Variants in EYA1 observed in about 807,000 individuals in gnomAD.
EYA1 encodes the protein EYA transcriptional coactivator and phosphatase 1.
Under a neutral mutation model 82.0 loss-of-function variants are expected in EYA1, and 16 were observed. That is an observed-to-expected ratio of 0.20 (90% CI 0.13 to 0.30). The LOEUF is 0.30. EYA1 is among the 10% of genes least tolerant of loss of function. The probability of loss-of-function intolerance (pLI) is 1.00; values close to 1 mark genes in which losing one functional copy is unlikely to be tolerated. For missense variants in EYA1, 633 were observed against 730.7 expected (o/e 0.87, Z 1.54); for synonymous variants, 261 against 264.4 (o/e 0.99, Z 0.12).
At chr8:71,523,028 A>C (rs1167145836) in intron 2 of EYA1, among the ~76,000 whole-genome samples, 2 of 152,304 alleles carry the variant, frequency 1.3e-5, no homozygotes, top group East Asian at 3.9e-4. Flanking sequence ...TAGGATTATA[A>C]AATTGTTTTT....
chr8:71,359,532 A>C (rs879824130), intron 1 of EYA1, among the ~76,000 whole-genome samples: 3 of 152,190 alleles, frequency 2.0e-5, no homozygotes, highest in Non-Finnish European at 4.4e-5. Flanking sequence ...GCTAAATTAC[A>C]AATCAAAAGC....
At chr8:71,208,148 A>G (rs929177180) in intron 17 of EYA1, among the ~76,000 whole-genome samples, 2 of 152,078 alleles carry the variant, frequency 1.3e-5, no homozygotes, top group Non-Finnish European at 2.9e-5. Flanking sequence ...ATTAACTAAA[A>G]CTGGCCGGGC....
At chr8:71,513,629 T>C (rs1169403587) in intron 2 of EYA1, among the ~76,000 whole-genome samples, 2 of 152,086 alleles carry the variant, frequency 1.3e-5, no homozygotes, top group African/African-American at 4.8e-5. Context: ...CTTTTAGTTA[T>C]TTTAAAATAT....
chr8:71,276,865 A>G (rs561896474), intron 9 of EYA1, among the ~76,000 whole-genome samples: 8 of 152,280 alleles, frequency 5.3e-5, no homozygotes, highest in African/African-American at 1.9e-4. Context: ...TAGCCTTTAC[A>G]TGACTCAGTT....
intron 11 of EYA1, among the ~76,000 whole-genome samples, chr8:71,248,552 A>G (rs1211321778): frequency 1.3e-5 from 2 of 152,186 alleles, no homozygotes; most frequent in Non-Finnish European, 2.9e-5. Context: ...GACTTTAGAA[A>G]CAGAGCACGG....
At chr8:71,211,372 T>TAC in intron 16 of EYA1, 116 bp from the exon 17 acceptor site, 1 of 716,258 alleles carries the variant, frequency 1.4e-6, no homozygotes, top group South Asian at 1.5e-5. Flanking sequence ...GCCCCACTAG[T>TAC]ACCTCTAAGA....
intron 12 of EYA1, among the ~76,000 whole-genome samples, chr8:71,218,577 G>C (rs1274035810): frequency 6.6e-6 from 1 of 151,968 alleles, no homozygotes; most frequent in Non-Finnish European, 1.5e-5. Context: ...CCTCAGATAA[G>C]AGAAAAGGAA....
chr8:71,333,456 T>C (rs997795060), intron 4 of EYA1, among the ~76,000 whole-genome samples: 3 of 152,206 alleles, frequency 2.0e-5, no homozygotes, highest in East Asian at 3.8e-4. Context: ...AATTTTTAAA[T>C]GAAATATTCC....
At chr8:71,431,926 G>A (rs1164819506) in intron 2 of EYA1, among the ~76,000 whole-genome samples, 2 of 152,074 alleles carry the variant, frequency 1.3e-5, no homozygotes, top group African/African-American at 4.8e-5. Flanking sequence ...CCTTCCATTT[G>A]GATAGCCTGA....
At chr8:71,321,091 GGATTT>G (rs1029095927) in intron 6 of EYA1, among the ~76,000 whole-genome samples, 1 of 151,964 alleles carries the variant, frequency 6.6e-6, no homozygotes, top group African/African-American at 2.4e-5. Flanking sequence ...GGATTTTGTT[GGATTT>G]ATTTTTAATT....
In EYA1 at chr8:71,198,518, C is replaced by T. The variant is rs1806527623; in HGVS notation, c.*822G>A. ...GGCACATGAATTTGTGCACGTGCTGCCTCATGCTTCACTATCCAGGCATTG... is the reference window on the plus strand; with the variant it reads ...GGCACATGAATTTGTGCACGTGCTGTCTCATGCTTCACTATCCAGGCATTG... On this transcript the variant is annotated 3_prime_UTR_variant, in exon 18 of 18. Coordinates refer to ENST00000340726, the MANE Select transcript of EYA1 (RefSeq NM_000503.6). 6.6e-6 allele frequency: 1 copy of T among 152,548 alleles called. No individual in the cohort carries two copies. The highest frequency in any genetic ancestry group is 2.1e-4 in the South Asian group (1 of 4,818). 9.4% of individuals were successfully genotyped at this position (152,548 alleles called of 1,614,324 possible).
intron 2 of EYA1, among the ~76,000 whole-genome samples, chr8:71,455,374 T>C (rs1036032594): frequency 7.9e-5 from 12 of 151,988 alleles, no homozygotes; most frequent in African/African-American, 2.4e-4. Context: ...TTCCAATCAA[T>C]AGGAAAAGAG....
chr8:71,361,644 T>TA lies in EYA1; in HGVS notation c.-55+2dup. ...ATTTTTCAAACAGTCAGCTTGTACTTACAGCGCTTACATCTGCTGCATCCA... is the reference window on the plus strand; with the variant it reads ...ATTTTTCAAACAGTCAGCTTGTACTTAACAGCGCTTACATCTGCTGCATCCA... On this transcript the variant is annotated splice_region_variant and intron_variant, in intron 1 of 17. Transcript: ENST00000340726. 1 of 985,096 alleles carries TA rather than the reference T, an allele frequency of 1.0e-6. No individual in the cohort carries two copies. 61.0% of individuals were successfully genotyped at this position (985,096 alleles called of 1,614,324 possible). A position where few individuals can be genotyped will look rare whatever the true frequency, so the allele number is the denominator to read the frequency against.
chr8:71,486,607 T>C (rs866832067), intron 2 of EYA1, among the ~76,000 whole-genome samples: 5 of 152,184 alleles, frequency 3.3e-5, no homozygotes, highest in African/African-American at 9.7e-5. Context: ...AAAAAAGACC[T>C]GGATCCTATT....
Position 71,463,582 on chromosome 8 carries a change from TCTCTCTCTC to T in EYA1, c.33+72153_33+72161del, listed in dbSNP as rs1563639956. ...TCTTAAGAAATACATGCTTTCTCTC[TCTCTCTCTC>T]TCTCTCTCTCTCTCTCTCTCTCTCT... On this transcript the variant is annotated intron_variant, in intron 2 of 18. Transcript: ENST00000643681. 1.5e-3 allele frequency among the ~76,000 whole-genome samples: 29 copies of T among 19,304 alleles called. No individual in the cohort carries two copies. In the African/African-American group the frequency reaches 0.027, roughly 18 times the overall value. The allele number at this position is 19,304 out of a possible 152,430, so 12.7% of individuals were successfully genotyped here.
chr8:71,307,207 G>T (rs1439285906), intron 7 of EYA1, among the ~76,000 whole-genome samples: 1 of 152,212 alleles, frequency 6.6e-6, no homozygotes, highest in Non-Finnish European at 1.5e-5. Flanking sequence ...TTAAAAAAGT[G>T]AGTAGGGAAA....
intron 17 of EYA1, among the ~76,000 whole-genome samples, 175 bp downstream of exon 17, chr8:71,210,981 T>G (rs1236445143): frequency 6.6e-6 from 1 of 152,228 alleles, no homozygotes; most frequent in Non-Finnish European, 1.5e-5. Flanking sequence ...CACACTACTA[T>G]TCAGAAAGAT....
At chr8:71,365,662 A>G (rs184731669), upstream of EYA1, among the ~76,000 whole-genome samples, 28 of 152,106 alleles carry the variant, frequency 1.8e-4, no homozygotes, top group East Asian at 4.8e-3. Context: ...CCATGGCACT[A>G]CCTCCCTGGC....
At chr8:71,478,835 T>C (rs1351917874) in intron 2 of EYA1, among the ~76,000 whole-genome samples, 1 of 152,166 alleles carries the variant, frequency 6.6e-6, no homozygotes, top group Non-Finnish European at 1.5e-5. Flanking sequence ...TATCATCAGA[T>C]TGATCAAAAA....
Sources: allele counts gnomAD v4.1 joint callset (sites outside exome capture counted in the v4.1 genomes callset), GRCh38; gene constraint gnomAD v4.1.1; transcripts MANE v1.5; gene names NCBI Gene and HGNC (gene_info 2026-07-23, HGNC 2026-07-21).